C2orf81: variants seen among roughly 807,000 people sequenced by gnomAD.
C2orf81 encodes the protein chromosome 2 open reading frame 81.
A neutral mutation model predicts 7.9 loss-of-function variants in C2orf81; 5 were observed. The observed-to-expected ratio is 0.63, with a 90% CI of 0.33 to 1.33. The LOEUF (loss-of-function observed/expected upper bound fraction) is 1.33. Among genes scored for constraint, C2orf81 ranks in the 40% most tolerant of loss-of-function variants. The pLI, the probability that C2orf81 is intolerant of heterozygous loss-of-function variation, is 0.05. For missense variants in C2orf81, 781 were observed against 830.4 expected, an observed-to-expected ratio of 0.94 and a Z score of 0.73; for synonymous variants, 346 against 367.4, an observed-to-expected ratio of 0.94 and a Z score of 0.66.
chr2:74,419,703 G>C (rs1337421186), intron 1 of C2orf81, among the ~76,000 whole-genome samples: 1 of 152,180 alleles, frequency 6.6e-6, no homozygotes, highest in African/African-American at 2.4e-5. Context: ...TCTTTAAAAA[G>C]AGAATAAATA....
At chr2:74,416,565 C>CAAAAAAAAAAAAAAAAAAAAAAAAAAAAA (rs59349435) in intron 1 of C2orf81, 2 of 52,196 alleles carry the variant, frequency 3.8e-5, no homozygotes, top group Non-Finnish European at 4.5e-5. Flanking sequence ...GACTGCGTCT[C>CAAAAAAAAAAAAAAAAAAAAAAAAAAAAA]AAAAAAAAAA....
rs1676406066 is a variant in C2orf81, at chr2:74,415,034, G to A, written c.1143C>T (p.Leu381=). ...CCAGAGGGCGCACCCAGTGGCACGG[G>A]AGCCTCGCAGGGTCCAGGCGTTTCA... The part of the protein sequence containing the change: ...AAVKRLDPAR[L]PCHWVRPLAE... The change falls in exon 3 of 3, where the codon CTC becomes CTT. Residue 381 remains leucine (L), a synonymous_variant. Coordinates refer to ENST00000684111, the MANE Select transcript of C2orf81 (RefSeq NM_001316764.3). This position sits in a 1 kb window ranked among gnomAD's most constrained non-coding sequence, Gnocchi z 5.5. The A allele has an allele frequency of 1.3e-6, 2 of 1,548,628 alleles. No individual in the cohort carries two copies. The highest frequency in any genetic ancestry group is 2.4e-5 in the South Asian group (2 of 83,958).
rs567692769 is a variant in C2orf81, at chr2:74,414,681, G to A, written c.1496C>T (p.Pro499Leu). Reference protein sequence around the residue: ...VARSRSPKLWPSVRWPSGWEG... With the variant: ...VARSRSPKLWLSVRWPSGWEG... ...CCAACCGCTGGGCCACCTGACACTG[G>A]GCCACAGCTTGGGGCTGCGGCTGCG... is the stretch of plus-strand genomic sequence containing the variant. Residue 499 changes from proline (P) to leucine (L), a missense_variant, in exon 3 of 3, where the codon CCC (proline) becomes CTC (leucine). Physicochemically the swap from Pro to Leu is moderately conservative, Grantham distance 98. Transcript: ENST00000684111. This position sits in a 1 kb window ranked among gnomAD's most constrained non-coding sequence, Gnocchi z 5.3. 2 of 1,546,830 alleles carry A rather than the reference G, an allele frequency of 1.3e-6. No individual in the cohort carries two copies. The highest frequency in any genetic ancestry group is 3.9e-5 in the Admixed American group (2 of 50,780).
chr2:74,418,410 G>A (rs1242160481), intron 1 of C2orf81: 2 of 1,582,318 alleles, frequency 1.3e-6, no homozygotes, highest in South Asian at 1.1e-5. Context: ...TGGAGGCCAA[G>A]GGCTGGCTGG....
chr2:74,418,511 G>C, intron 1 of C2orf81: 1 of 984,956 alleles, frequency 1.0e-6, no homozygotes, highest in Non-Finnish European at 1.6e-6. Context: ...CTGGCCTGCG[G>C]TGCATGCTCC....
chr2:74,416,259 G>A lies in C2orf81; in HGVS notation c.19-18C>T, dbSNP rs1676466073. 1 of 1,327,660 alleles carries A rather than the reference G, an allele frequency of 7.5e-7. No individual in the cohort carries two copies. The highest frequency in any genetic ancestry group is 9.9e-7 in the Non-Finnish European group (1 of 1,011,014). 82.2% of individuals were successfully genotyped at this position (1,327,660 alleles called of 1,614,324 possible). A position where few individuals can be genotyped will look rare whatever the true frequency, so the allele number is the denominator to read the frequency against. On this transcript the variant is annotated intron_variant, in intron 1 of 2. Coordinates refer to ENST00000684111, the MANE Select transcript of C2orf81 (RefSeq NM_001316764.3). The stretch of plus-strand genomic sequence containing the variant: ...TCCTGCCTCTGTGAGAACAAAACAT[G>A]GCAATCAGAGCAGGAAACCAAGAAG...
chr2:74,421,602 C>T lies in C2orf81; in HGVS notation c.-42G>A, dbSNP rs1029048265. On this transcript the variant is annotated 5_prime_UTR_variant, in exon 1 of 3. Transcript: ENST00000684111. Reference sequence around the variant, plus strand: ...GCAACGCTGGTGTTTCTGCTGCATCCGGGCCGCGTAAGCCACCTAACAGTC... The same window carrying T: ...GCAACGCTGGTGTTTCTGCTGCATCTGGGCCGCGTAAGCCACCTAACAGTC... 2.3e-6 allele frequency: 1 copy of T among 427,470 alleles called. No homozygotes were observed. Among genetic ancestry groups the T allele is most frequent in the Non-Finnish European group, 4.2e-6 (1 of 239,942 alleles). The allele number at this position is 427,470 out of a possible 1,614,324, so 26.5% of individuals were successfully genotyped here. A position where few individuals can be genotyped will look rare whatever the true frequency, so the allele number is the denominator to read the frequency against.
chr2:74,417,132 A>T (rs984665891), intron 1 of C2orf81, among the ~76,000 whole-genome samples: 1 of 152,246 alleles, frequency 6.6e-6, no homozygotes, highest in Non-Finnish European at 1.5e-5. Context: ...GCAATGACAG[A>T]TGTCAAAGAA....
chr2:74,417,188 T>C (rs1037116035), intron 1 of C2orf81, among the ~76,000 whole-genome samples: 6 of 152,096 alleles, frequency 3.9e-5, no homozygotes, highest in African/African-American at 1.4e-4. Context: ...AGGTAGTTTG[T>C]GAACAAAGGA....
At position 74,415,264 on chromosome 2, in the gene C2orf81, A is replaced by G. The variant is rs2103828592; in HGVS notation, c.913T>C (p.Cys305Arg). Residue 305 changes from cysteine (C) to arginine (R), a missense_variant, in exon 3 of 3, where the codon TGT becomes CGT. Transcript: ENST00000684111. This position sits in a 1 kb window ranked among gnomAD's most constrained non-coding sequence, Gnocchi z 5.5. ...GCCGCGTCCAGTTGAGGCATGCAAC[A>G]GTAGAGGTCTTCCAACGACAAATGG... Reference protein sequence around the residue: ...GFHLSLEDLYCCMPQLDAAGD... With the variant: ...GFHLSLEDLYRCMPQLDAAGD... The G allele has an allele frequency of 6.4e-7, 1 of 1,551,302 alleles. No individual in the cohort carries two copies. The highest frequency in any genetic ancestry group is 1.2e-5 in the South Asian group (1 of 84,062).
At chr2:74,421,448 G>A in intron 1 of C2orf81, 95 bp downstream of exon 1, 1 of 293,316 alleles carries the variant, frequency 3.4e-6, no homozygotes, top group Non-Finnish European at 6.4e-6. Flanking sequence ...AGCAAGTAGG[G>A]GCACTGGGCG....
chr2:74,418,171 T>C, intron 1 of C2orf81: 2 of 1,115,196 alleles, frequency 1.8e-6, no homozygotes, highest in African/African-American at 1.5e-5. Context: ...TTCCTCCTTC[T>C]CCAGTTTTTT....
intron 1 of C2orf81, 114 bp from the exon 2 acceptor site, chr2:74,416,355 A>G (rs1558528664): frequency 1.7e-6 from 1 of 593,690 alleles, no homozygotes; most frequent in Non-Finnish European, 2.5e-6. Flanking sequence ...AAAAGGGCCA[A>G]TTGACGAAGA....
chr2:74,419,935 C>T (rs1676556045), intron 1 of C2orf81, among the ~76,000 whole-genome samples: 1 of 152,096 alleles, frequency 6.6e-6, no homozygotes, highest in South Asian at 2.1e-4. Context: ...CCAGGCCTGG[C>T]TAATTTTTTT....
chr2:74,418,170 C>T, intron 1 of C2orf81: 1 of 1,107,416 alleles, frequency 9.0e-7, no homozygotes, highest in Non-Finnish European at 1.3e-6. Flanking sequence ...CTTCCTCCTT[C>T]TCCAGTTTTT....
intron 1 of C2orf81, among the ~76,000 whole-genome samples, chr2:74,419,600 C>T (rs1382313930): frequency 6.6e-6 from 1 of 152,164 alleles, no homozygotes; most frequent in Non-Finnish European, 1.5e-5. Context: ...TCTATAAATA[C>T]AACCAAAAGG....
rs530639283 is a variant in C2orf81 at position 74,416,830 on chromosome 2, A to ATTT, written c.19-592_19-590dup. 7.8e-4 allele frequency among the ~76,000 whole-genome samples: 115 copies of ATTT among 148,082 alleles called. 1 individual carries two copies. Among genetic ancestry groups the ATTT allele is most frequent in the African/African-American group, 2.7e-3 (111 of 40,704 alleles). On this transcript the variant is annotated intron_variant, in intron 1 of 2. Coordinates refer to ENST00000684111, the MANE Select transcript of C2orf81 (RefSeq NM_001316764.3). Reference sequence around the variant, plus strand: ...TCTACATTTTGTTTTCCAGAAAAGGATTTTTTTTTTTTAATTCAAGTAATT... The same window carrying ATTT: ...TCTACATTTTGTTTTCCAGAAAAGGATTTTTTTTTTTTTTTAATTCAAGTAATT...
rs1208810381 is a variant in C2orf81, at chr2:74,415,270, G to C, written c.907C>G (p.Leu303Val). The C allele has an allele frequency of 3.2e-6, 5 of 1,551,236 alleles. No individual in the cohort carries two copies. The highest frequency in any genetic ancestry group is 3.9e-5 in the Admixed American group (2 of 50,980). ...TCCAGTTGAGGCATGCAACAGTAGA[G>C]GTCTTCCAACGACAAATGGAAGCCG... Reference protein sequence around the residue: ...PLGFHLSLEDLYCCMPQLDAA... With the variant: ...PLGFHLSLEDVYCCMPQLDAA... The change falls in exon 3 of 3, where the codon CTC becomes GTC. Residue 303 changes from leucine (L) to valine (V), a missense_variant. Transcript: ENST00000684111. This position sits in a 1 kb window ranked among gnomAD's most constrained non-coding sequence, Gnocchi z 5.5.
Position 74,415,131 on chromosome 2 carries a change from T to G in C2orf81, c.1046A>C (p.Gln349Pro), listed in dbSNP as rs997652990. ...ATCCGAGTGCCCGGCCCGCTGCTGCTGGCAGGACGCGGAGGGGCGGGTGGC... is the reference window on the plus strand; with the variant it reads ...ATCCGAGTGCCCGGCCCGCTGCTGCGGGCAGGACGCGGAGGGGCGGGTGGC... Reference protein sequence around the residue: ...GGATRPSASCQQQRAGHSDVR... With the variant: ...GGATRPSASCPQQRAGHSDVR... The change falls in exon 3 of 3, where the codon CAG becomes CCG. Residue 349 changes from glutamine to proline, a missense_variant. Transcript: ENST00000684111. This position sits in a 1 kb window ranked among gnomAD's most constrained non-coding sequence, Gnocchi z 5.5. 6.3e-5 allele frequency: 93 copies of G among 1,484,444 alleles called. No individual in the cohort carries two copies. Among genetic ancestry groups the G allele is most frequent in the Non-Finnish European group, 7.9e-5 (90 of 1,141,180 alleles). 92.0% of individuals were successfully genotyped at this position (1,484,444 alleles called of 1,614,324 possible).
Sources: allele counts gnomAD v4.1 joint callset (sites outside exome capture counted in the v4.1 genomes callset), GRCh38; gene constraint gnomAD v4.1.1; non-coding constraint Gnocchi (gnomAD v3.1); transcripts MANE v1.5; gene names NCBI Gene and HGNC (gene_info 2026-07-23, HGNC 2026-07-21).